Variants in POM121 observed in about 807,000 individuals in gnomAD.
POM121 encodes POM121 transmembrane nucleoporin, also known as nuclear envelope pore membrane protein POM 121.
A neutral mutation model predicts 81.3 loss-of-function variants in POM121; 32 were observed. The ratio of observed to expected loss-of-function variants is 0.39; its 90% CI spans 0.30 to 0.53. The LOEUF (loss-of-function observed/expected upper bound fraction) is 0.53. Among genes scored for constraint, POM121 ranks in the 20% least tolerant of loss-of-function variants. POM121 has a pLI of 0.66. For synonymous variants in POM121, 514 were observed against 694.2 expected (o/e 0.74, Z 4.08); for missense variants, 1,138 against 1,614.6 (o/e 0.70, Z 5.06).
At chr7:72,909,636 A>G (rs1396767084) in intron 3 of POM121, among the ~76,000 whole-genome samples, 1 of 152,120 alleles carries the variant, frequency 6.6e-6, no homozygotes, top group Non-Finnish European at 1.5e-5. Flanking sequence ...TGTGCAACCC[A>G]GAGGCCAATT....
rs185417999 is a variant in POM121 at position 72,895,406 on chromosome 7, G to A, written c.-216+4296G>A. 4.4e-3 allele frequency among the ~76,000 whole-genome samples: 671 copies of A among 152,224 alleles called. 1 individual carries two copies. The highest frequency in any genetic ancestry group is 5.7e-3 in the Admixed American group (87 of 15,286). Reference sequence around the variant, plus strand: ...GAAACTGACAGATTTTACTCTGAACGTCCTTTTCCTTCTGGGAGATGCCAG... The same window carrying A: ...GAAACTGACAGATTTTACTCTGAACATCCTTTTCCTTCTGGGAGATGCCAG... On this transcript the variant is annotated intron_variant, in intron 3 of 15. Transcript: ENST00000395270.
chr7:72,917,061 A>T (rs1464005165), intron 4 of POM121, among the ~76,000 whole-genome samples: 1 of 152,198 alleles, frequency 6.6e-6, no homozygotes, highest in Non-Finnish European at 1.5e-5. Flanking sequence ...TGGCATTTAG[A>T]TGATACTTCT....
At chr7:72,890,505 TA>T in intron 1 of POM121, 1 of 1,199,576 alleles carries the variant, frequency 8.3e-7, no homozygotes, top group Non-Finnish European at 1.2e-6. Flanking sequence ...TTCCCTTCCA[TA>T]ATCTGTAACA....
intron 3 of POM121, among the ~76,000 whole-genome samples, chr7:72,908,964 A>G (rs1276718558): frequency 2.0e-5 from 3 of 152,248 alleles, no homozygotes; most frequent in Admixed American, 1.3e-4. Context: ...TACGAAGATG[A>G]TGGGATTAAG....
rs1797825626 is a variant in POM121, at chr7:72,948,177, G to C, written c.*1943G>C. The stretch of plus-strand genomic sequence containing the variant: ...TACACGCACTGGACGGCAGCGGGAG[G>C]CTGGGACTTTCCATTACAAATAGAG... On this transcript the variant is annotated 3_prime_UTR_variant, in exon 13 of 13. Transcript: ENST00000434423. 7.0e-7 allele frequency: 1 copy of C among 1,436,716 alleles called. No homozygotes were observed. Among genetic ancestry groups the C allele is most frequent in the Non-Finnish European group, 9.1e-7 (1 of 1,101,662 alleles). 89.0% of individuals were successfully genotyped at this position (1,436,716 alleles called of 1,614,324 possible).
intron 4 of POM121, among the ~76,000 whole-genome samples, chr7:72,917,343 T>C (rs1293266281): frequency 6.6e-6 from 1 of 152,214 alleles, no homozygotes; most frequent in Non-Finnish European, 1.5e-5. Context: ...TAGCTGGGCC[T>C]GCACTGACCC....
intron 3 of POM121, among the ~76,000 whole-genome samples, chr7:72,910,095 GA>G (rs535368229): frequency 9.7e-4 from 146 of 151,048 alleles, no homozygotes; most frequent in Admixed American, 3.2e-3. Context: ...TCCCATTTAG[GA>G]AAAAAAAAGT....
intron 1 of POM121, among the ~76,000 whole-genome samples, chr7:72,887,620 A>G (rs1311892349): frequency 6.6e-6 from 1 of 152,190 alleles, no homozygotes; most frequent in Non-Finnish European, 1.5e-5. Context: ...CGAGGTCAGG[A>G]GTTCAAGACC....
intron 3 of POM121, among the ~76,000 whole-genome samples, chr7:72,903,681 G>C (rs1296461293): frequency 1.3e-5 from 2 of 151,324 alleles, no homozygotes; most frequent in African/African-American, 4.9e-5. Context: ...CCAAAAACGA[G>C]AAAAAAAAAG....
Position 72,942,912 on chromosome 7 carries a change from G to A in POM121, c.2919G>A (p.Gly973=). 1.2e-6 allele frequency: 2 copies of A among 1,601,164 alleles called. No individual in the cohort carries two copies. The highest frequency in any genetic ancestry group is 1.7e-6 in the Non-Finnish European group (2 of 1,174,192). ...GAGCCAACCCCCAGCCCGCATTTGG[G>A]GCCGCTGAGGGGCAGCCACCGGGGG... ...YPGANPQPAF[G]AAEGQPPGAA... Residue 973 remains glycine (G), a synonymous_variant, in exon 11 of 13, where the codon GGG becomes GGA. Coordinates refer to ENST00000434423, the MANE Select transcript of POM121 (RefSeq NM_001387691.1).
rs574213743 is a variant in POM121 at position 72,928,290 on chromosome 7, T to C, written c.1023-95T>C. On this transcript the variant is annotated intron_variant, in intron 3 of 12. Transcript: ENST00000434423. ...GGTCTATCATGGAATCTGTGCTCCA[T>C]AGAGATAGTATAAGGTCCCAGAAAT... 35 of 1,498,904 alleles carry C rather than the reference T, an allele frequency of 2.3e-5. No homozygotes were observed. In the African/African-American group the frequency reaches 3.7e-4, roughly 16 times the overall value. 92.9% of individuals were successfully genotyped at this position (1,498,904 alleles called of 1,614,324 possible).
At position 72,882,951 on chromosome 7, in the gene POM121, T is replaced by C. The variant is rs1243575423; in HGVS notation, c.-521+3066T>C. Reference sequence around the variant, plus strand: ...CCGTTACTTCCAAACTGATATTTTCTCCATGGAGTCTCTCTTTTCTTGGCT... The same window carrying C: ...CCGTTACTTCCAAACTGATATTTTCCCCATGGAGTCTCTCTTTTCTTGGCT... On this transcript the variant is annotated intron_variant, in intron 1 of 15. Coordinates refer to the POM121 transcript ENST00000395270. Among the ~76,000 whole-genome samples the C allele has an allele frequency of 8.5e-5, 13 of 152,334 alleles. No homozygotes were observed. In the East Asian group the frequency reaches 2.5e-3, roughly 29 times the overall value.
chr7:72,932,288 G>A (rs2530493), intron 5 of POM121, among the ~76,000 whole-genome samples: 198 of 151,264 alleles, frequency 1.3e-3, no homozygotes, highest in African/African-American at 4.5e-3. Context: ...TTTTTAAACG[G>A]TATGCATATC....
intron 5 of POM121, among the ~76,000 whole-genome samples, chr7:72,936,572 CA>C (rs754825083): frequency 3.5e-4 from 53 of 152,210 alleles, no homozygotes; most frequent in Non-Finnish European, 5.9e-4. Flanking sequence ...CCACCGTGCC[CA>C]GCTTGTTTTT....
At position 72,925,608 on chromosome 7, in the gene POM121, G is replaced by T. The variant is rs1203093931; in HGVS notation, c.487G>T (p.Gly163Cys). Residue 163 changes from glycine to cysteine, a missense_variant, in exon 1 of 13, where the codon GGC becomes TGC. Around this residue, in one of 7 missense-constraint regions of POM121, gnomAD observed 646 missense variants for 633.5 expected, o/e 1.02. Transcript: ENST00000434423. ...PEGQDLRDRP[G>C]RRPPARPAPR... is the part of the protein sequence containing the mutation. ...GGGCCAGGACCTGCGGGATAGGCCT[G>T]GCCGCCGCCCACCTGCCCGCCCGGC... The T allele has an allele frequency of 1.4e-6, 2 of 1,409,464 alleles. No homozygotes were observed. The highest frequency in any genetic ancestry group is 1.8e-6 in the Non-Finnish European group (2 of 1,086,004). 87.3% of individuals were successfully genotyped at this position (1,409,464 alleles called of 1,614,324 possible).
intron 3 of POM121, among the ~76,000 whole-genome samples, chr7:72,894,615 TGAGAGAGAGAGGAGAGAGAGA>T (rs1791677488): frequency 1.4e-5 from 1 of 71,054 alleles, no homozygotes; most frequent in South Asian, 4.2e-4. Context: ...GAGAGAGAGA[TGAGAGAGAGAGGAGAGAGAGA>T]GAGAGAGAGA....
chr7:72,898,979 C>CTTTTTTTTTTTTTTTTT (rs1176371162), intron 3 of POM121, among the ~76,000 whole-genome samples: 1 of 34,096 alleles, frequency 2.9e-5, no homozygotes, highest in Non-Finnish European at 4.9e-5. Context: ...CTTTTCTTTT[C>CTTTTTTTTTTTTTTTTT]TTTTTTTTTT....
Position 72,925,451 on chromosome 7 carries a change from G to A in POM121, c.330G>A (p.Leu110=). ...RHRRTLFASP[L]AKSTANGNLL... is the part of the protein sequence containing the mutation. Reference sequence around the variant, plus strand: ...GGCGAACACTGTTCGCTTCGCCTCTGGCCAAGTCGACAGCCAACGGAAACC... The same window carrying A: ...GGCGAACACTGTTCGCTTCGCCTCTAGCCAAGTCGACAGCCAACGGAAACC... Residue 110 remains leucine (L), a synonymous_variant, in exon 1 of 13, where the codon CTG becomes CTA. Coordinates refer to ENST00000434423, the MANE Select transcript of POM121 (RefSeq NM_001387691.1). 6.5e-7 allele frequency: 1 copy of A among 1,533,840 alleles called. No homozygotes were observed.
At chr7:72,895,082 C>A (rs1791803800) in intron 3 of POM121, among the ~76,000 whole-genome samples, 1 of 152,202 alleles carries the variant, frequency 6.6e-6, no homozygotes, top group East Asian at 1.9e-4. Flanking sequence ...CCCACCTCCA[C>A]CTTCCAAAGT....
Sources: gnomAD v4.1 joint callset for allele counts (sites outside exome capture counted in the v4.1 genomes callset) on GRCh38, gnomAD v4.1.1 for gene constraint, gnomAD v4.1.1 regional missense constraint, MANE v1.5 for transcripts, NCBI Gene and HGNC (gene_info 2026-07-23, HGNC 2026-07-21) for gene names.